The following PDE4B variants were observed in gnomAD, a reference collection of about 807,000 sequenced individuals.
PDE4B encodes the protein 3',5'-cyclic-AMP phosphodiesterase 4B.
PDE4B carries 20 observed loss-of-function variants against 82.2 expected under a neutral mutation model. That is an observed-to-expected ratio of 0.24 (90% CI 0.17 to 0.35). The LOEUF (loss-of-function observed/expected upper bound fraction) is 0.35. PDE4B is among the 10% of genes least tolerant of loss of function. PDE4B has a pLI of 1.00. For synonymous variants in PDE4B, 320 were observed against 318.9 expected, an observed-to-expected ratio of 1.00 and a Z score of -0.04; for missense variants, 655 against 907.2, an observed-to-expected ratio of 0.72 and a Z score of 3.57.
intron 3 of PDE4B, among the ~76,000 whole-genome samples, chr1:65,976,355 C>T (rs1280291097): frequency 6.6e-6 from 1 of 152,178 alleles, no homozygotes; most frequent in Non-Finnish European, 1.5e-5. Flanking sequence ...TTCCTGTACC[C>T]TCATTTTATT....
At chr1:65,807,358 G>A (rs975550967) in intron 1 of PDE4B, among the ~76,000 whole-genome samples, 1 of 152,168 alleles carries the variant, frequency 6.6e-6, no homozygotes, top group African/African-American at 2.4e-5. Flanking sequence ...ATGAAGGGCT[G>A]TATTGTATTC....
At chr1:66,197,699 C>G (rs1648449652) in intron 3 of PDE4B, among the ~76,000 whole-genome samples, 1 of 152,074 alleles carries the variant, frequency 6.6e-6, no homozygotes, top group South Asian at 2.1e-4. Flanking sequence ...ATTCATTTCT[C>G]CTCAAAGATG....
At chr1:65,917,450 A>G (rs1647175736) in intron 2 of PDE4B, among the ~76,000 whole-genome samples, 1 of 152,174 alleles carries the variant, frequency 6.6e-6, no homozygotes, top group South Asian at 2.1e-4. Flanking sequence ...GCTAAGTGTG[A>G]ACAGTGAAAA....
chr1:65,919,301 T>C (rs551257555), intron 3 of PDE4B, among the ~76,000 whole-genome samples: 9 of 152,216 alleles, frequency 5.9e-5, no homozygotes, highest in African/African-American at 2.2e-4. Flanking sequence ...ATAAAACATT[T>C]CATTGTAAAT....
intron 3 of PDE4B, among the ~76,000 whole-genome samples, chr1:66,181,406 A>G (rs991198787): frequency 6.6e-6 from 1 of 152,186 alleles, no homozygotes; most frequent in African/African-American, 2.4e-5. Context: ...TGAAAAAGCA[A>G]GTCTCCTGCA....
At chr1:66,337,851 A>G (rs967679798) in intron 8 of PDE4B, among the ~76,000 whole-genome samples, 4 of 152,326 alleles carry the variant, frequency 2.6e-5, no homozygotes, top group African/African-American at 9.6e-5. Context: ...TCAGATTTAT[A>G]TAGACTAAAT....
At chr1:65,883,198 C>A (rs1646729476) in intron 1 of PDE4B, among the ~76,000 whole-genome samples, 1 of 152,130 alleles carries the variant, frequency 6.6e-6, no homozygotes, top group Non-Finnish European at 1.5e-5. Flanking sequence ...TGAAGAAAGT[C>A]ATTGGTAGCT....
intron 3 of PDE4B, among the ~76,000 whole-genome samples, chr1:66,138,417 G>T (rs903960812): frequency 6.6e-6 from 1 of 152,134 alleles, no homozygotes; most frequent in Non-Finnish European, 1.5e-5. Context: ...TACTTGGGAG[G>T]CTGAGGCAGG....
chr1:65,836,143 T>C (rs1299607268), intron 1 of PDE4B, among the ~76,000 whole-genome samples: 1 of 152,090 alleles, frequency 6.6e-6, no homozygotes, highest in East Asian at 1.9e-4. Flanking sequence ...GATTTTACCA[T>C]GTTGGCCAGG....
chr1:65,802,892 C>A (rs191360987), intron 1 of PDE4B, among the ~76,000 whole-genome samples: 1 of 151,932 alleles, frequency 6.6e-6, no homozygotes. Context: ...TTAATGATGA[C>A]ATATATAAGT....
At chr1:65,845,410 CTT>C (rs1278668848) in intron 1 of PDE4B, among the ~76,000 whole-genome samples, 2 of 152,110 alleles carry the variant, frequency 1.3e-5, no homozygotes, top group African/African-American at 4.8e-5. Flanking sequence ...GTTATTAAGA[CTT>C]AGTCTAGCCC....
chr1:66,306,406 C>T (rs1348488815), intron 7 of PDE4B, among the ~76,000 whole-genome samples: 2 of 152,018 alleles, frequency 1.3e-5, no homozygotes, highest in Non-Finnish European at 2.9e-5. Flanking sequence ...CAAATGAAGA[C>T]TCAACTCTAA....
At chr1:65,806,431 A>G (rs1185219412) in intron 1 of PDE4B, among the ~76,000 whole-genome samples, 1 of 152,236 alleles carries the variant, frequency 6.6e-6, no homozygotes, top group Non-Finnish European at 1.5e-5. Context: ...TTACACTTAA[A>G]TATAAAATAT....
intron 1 of PDE4B, among the ~76,000 whole-genome samples, chr1:65,805,087 C>T (rs1402683914): frequency 6.6e-6 from 1 of 151,756 alleles, no homozygotes; most frequent in African/African-American, 2.4e-5. Flanking sequence ...GCCTCAGCCT[C>T]CCGAGTAGCT....
At chr1:65,816,731 A>G (rs1645889603) in intron 1 of PDE4B, among the ~76,000 whole-genome samples, 1 of 152,188 alleles carries the variant, frequency 6.6e-6, no homozygotes, top group Admixed American at 6.5e-5. Flanking sequence ...GTATTTGTTG[A>G]TTTGGGAAAA....
intron 1 of PDE4B, among the ~76,000 whole-genome samples, chr1:65,841,597 G>A (rs1337597541): frequency 6.6e-6 from 1 of 152,086 alleles, no homozygotes; most frequent in Non-Finnish European, 1.5e-5. Flanking sequence ...GGGAGGCCTT[G>A]AATTACTTAG....
intron 1 of PDE4B, among the ~76,000 whole-genome samples, chr1:65,891,507 G>A (rs1272012888): frequency 6.6e-6 from 1 of 152,048 alleles, no homozygotes; most frequent in East Asian, 1.9e-4. Context: ...GTATCATCTT[G>A]TGGATGTCTG....
rs537748471 is a variant in PDE4B at position 66,074,387 on chromosome 1, C to T, written c.281+155552C>T. On this transcript the variant is annotated intron_variant, in intron 3 of 16. Transcript: ENST00000341517. ...ATTTATTTAAGAAAAGCTTACTGAA[C>T]GGAGATACTTGGACAAAAGAGAACA... Among the ~76,000 whole-genome samples, 5 of 152,178 alleles carry T rather than the reference C, an allele frequency of 3.3e-5. No individual in the cohort carries two copies. In the East Asian group the frequency reaches 5.8e-4, roughly 18 times the overall value.
intron 3 of PDE4B, among the ~76,000 whole-genome samples, chr1:66,022,826 A>G (rs7523323): frequency 0.025 from 3,740 of 152,298 alleles, 78 homozygotes; most frequent in Middle Eastern, 0.034. Flanking sequence ...GCCTCATAAA[A>G]TGAATTAGGG....
Sources: allele counts gnomAD v4.1 joint callset (sites outside exome capture counted in the v4.1 genomes callset), GRCh38; gene constraint gnomAD v4.1.1; transcripts MANE v1.5; gene names NCBI Gene and HGNC (gene_info 2026-07-23, HGNC 2026-07-21).